Variants in CCSER1 observed in about 807,000 individuals in gnomAD.
CCSER1 encodes coiled-coil serine rich protein 1, also known as serine-rich coiled-coil domain-containing protein 1.
CCSER1 carries 41 observed loss-of-function variants against 82.0 expected under a neutral mutation model. The ratio of observed to expected loss-of-function variants is 0.50; its 90% CI spans 0.39 to 0.65. The LOEUF is 0.65. CCSER1 is among the 30% of genes least tolerant of loss of function. The probability of loss-of-function intolerance (pLI) is 0.00; values close to 1 mark genes in which losing one functional copy is unlikely to be tolerated. For missense variants in CCSER1, 1,119 were observed against 1,064.2 expected, an observed-to-expected ratio of 1.05 and a Z score of -0.72; for synonymous variants, 414 against 383.9, an observed-to-expected ratio of 1.08 and a Z score of -0.92.
chr4:91,217,579 C>CAT (rs1226205556), intron 10 of CCSER1, among the ~76,000 whole-genome samples: 2 of 151,834 alleles, frequency 1.3e-5, no homozygotes, highest in African/African-American at 4.8e-5. Context: ...CTGAGCTAGA[C>CAT]ATAAAGGTTC....
chr4:91,158,055 G>A (rs1212119090), intron 10 of CCSER1, among the ~76,000 whole-genome samples: 1 of 151,906 alleles, frequency 6.6e-6, no homozygotes, highest in African/African-American at 2.4e-5. Flanking sequence ...TATATCTAAT[G>A]AGCCTACTGT....
At chr4:91,142,423 A>G (rs1462086281) in intron 10 of CCSER1, among the ~76,000 whole-genome samples, 13 of 152,088 alleles carry the variant, frequency 8.5e-5, no homozygotes, top group Non-Finnish European at 2.9e-5. Context: ...GAACAGACTA[A>G]TATACTCTGT....
intron 10 of CCSER1, among the ~76,000 whole-genome samples, chr4:91,373,131 G>A (rs1750154136): frequency 6.6e-6 from 1 of 150,550 alleles, no homozygotes; most frequent in Middle Eastern, 3.2e-3. Flanking sequence ...ATTAATTCAT[G>A]TTTAAACATA....
chr4:90,462,222 C>T (rs1763022451), intron 4 of CCSER1, among the ~76,000 whole-genome samples: 1 of 151,932 alleles, frequency 6.6e-6, no homozygotes, highest in Non-Finnish European at 1.5e-5. Context: ...GAAAACAGAC[C>T]AGTAAAAGAT....
chr4:90,325,093 T>A (rs1308553297), intron 3 of CCSER1, among the ~76,000 whole-genome samples: 1 of 152,234 alleles, frequency 6.6e-6, no homozygotes, highest in East Asian at 1.9e-4. Flanking sequence ...AACCAGGTAC[T>A]ATGATTGCTC....
At chr4:91,436,668 T>A (rs947574470) in intron 10 of CCSER1, among the ~76,000 whole-genome samples, 10 of 152,198 alleles carry the variant, frequency 6.6e-5, no homozygotes, top group Non-Finnish European at 1.5e-4. Flanking sequence ...ATTATTTCTT[T>A]AAGATCAAGG....
chr4:90,189,990 T>C (rs1735318308), intron 1 of CCSER1, among the ~76,000 whole-genome samples: 1 of 152,052 alleles, frequency 6.6e-6, no homozygotes, highest in South Asian at 2.1e-4. Flanking sequence ...TAATATCTAC[T>C]TGCATTTTGT....
chr4:90,907,600 C>A (rs986199634), intron 8 of CCSER1, among the ~76,000 whole-genome samples: 2 of 152,006 alleles, frequency 1.3e-5, no homozygotes, highest in African/African-American at 4.8e-5. Flanking sequence ...ATATAAGATT[C>A]TTTTTTAATA....
Position 90,589,161 on chromosome 4 carries a change from T to C in CCSER1, c.1725-38864T>C, listed in dbSNP as rs535151679. Among the ~76,000 whole-genome samples the C allele has an allele frequency of 2.7e-3, 407 of 152,226 alleles. 3 individuals are homozygous for C. The highest frequency in any genetic ancestry group is 9.2e-3 in the African/African-American group (384 of 41,544). ...ATATATGAGTCAAAGGGAGAAATTA[T>C]TCAATTAGGTAAAGGAGGAAAGCAT... On this transcript the variant is annotated intron_variant, in intron 5 of 10. Transcript: ENST00000509176.
At chr4:90,449,422 T>C (rs1335229116) in intron 4 of CCSER1, among the ~76,000 whole-genome samples, 1 of 152,228 alleles carries the variant, frequency 6.6e-6, no homozygotes, top group Non-Finnish European at 1.5e-5. Flanking sequence ...TATTCCCAGA[T>C]TCAAGGTGGG....
intron 5 of CCSER1, among the ~76,000 whole-genome samples, chr4:90,480,322 T>C (rs555791320): frequency 5.8e-4 from 88 of 152,336 alleles, no homozygotes; most frequent in African/African-American, 2.0e-3. Flanking sequence ...TCCCATTCTG[T>C]AGGTTGCCTG....
Position 90,747,484 on chromosome 4 carries a change from G to GA in CCSER1, c.2010+23502dup, listed in dbSNP as rs1366666098. The stretch of plus-strand genomic sequence containing the variant: ...ACTGCGGAGCTAGGCTGAGAGCAGA[G>GA]AAAAAAAAAGAGAGGTGGAGGGGAA... On this transcript the variant is annotated intron_variant, in intron 7 of 10. Transcript: ENST00000509176. Among the ~76,000 whole-genome samples the GA allele has an allele frequency of 2.8e-4, 42 of 150,246 alleles. 1 individual carries two copies. Among genetic ancestry groups the GA allele is most frequent in the African/African-American group, 3.2e-4 (13 of 41,038 alleles).
At chr4:91,225,855 A>AG (rs1197846567) in intron 10 of CCSER1, among the ~76,000 whole-genome samples, 1 of 151,972 alleles carries the variant, frequency 6.6e-6, no homozygotes, top group East Asian at 1.9e-4. Context: ...TTAGGAGCAG[A>AG]GGTGATTCTT....
At chr4:90,913,773 C>A (rs1021702924) in intron 8 of CCSER1, among the ~76,000 whole-genome samples, 5 of 151,420 alleles carry the variant, frequency 3.3e-5, no homozygotes, top group Admixed American at 6.6e-5. Flanking sequence ...CACAGATAGG[C>A]CCAAAATAAA....
chr4:90,983,990 G>T (rs971126073), intron 9 of CCSER1, among the ~76,000 whole-genome samples: 1 of 151,694 alleles, frequency 6.6e-6, no homozygotes, highest in Non-Finnish European at 1.5e-5. Context: ...CAACAGTATT[G>T]AAGTAAACAT....
chr4:90,524,116 G>A (rs1773462267), intron 5 of CCSER1, among the ~76,000 whole-genome samples: 1 of 152,106 alleles, frequency 6.6e-6, no homozygotes, highest in Non-Finnish European at 1.5e-5. Context: ...GACAAAATTG[G>A]GGAGAAATTC....
intron 5 of CCSER1, among the ~76,000 whole-genome samples, chr4:90,593,383 A>G (rs985060534): frequency 2.6e-5 from 4 of 152,158 alleles, no homozygotes; most frequent in African/African-American, 9.6e-5. Context: ...CAACAAAAGC[A>G]GAGACTAATT....
chr4:90,647,193 G>A (rs991516458), intron 6 of CCSER1, among the ~76,000 whole-genome samples: 1 of 152,158 alleles, frequency 6.6e-6, no homozygotes, highest in African/African-American at 2.4e-5. Context: ...TTTAACTGCT[G>A]TTTTCTGATT....
chr4:91,297,112 G>C (rs1744240989), intron 10 of CCSER1, among the ~76,000 whole-genome samples: 1 of 151,824 alleles, frequency 6.6e-6, no homozygotes, highest in South Asian at 2.1e-4. Flanking sequence ...AATGAGGCTT[G>C]GAAAGTAAGT....
Sources: allele counts gnomAD v4.1 joint callset (sites outside exome capture counted in the v4.1 genomes callset), GRCh38; gene constraint gnomAD v4.1.1; transcripts MANE v1.5; gene names NCBI Gene and HGNC (gene_info 2026-07-23, HGNC 2026-07-21).